Variants in PEX1 observed in about 807,000 individuals in gnomAD.
PEX1 encodes the protein peroxisomal ATPase PEX1.
PEX1 carries 97 observed loss-of-function variants against 152.5 expected under a neutral mutation model. That is an observed-to-expected ratio of 0.64 (90% CI 0.54 to 0.75). PEX1 has a LOEUF of 0.75. Ranked by LOEUF, PEX1 falls within the 30% of genes least tolerant of loss-of-function variation. The probability of loss-of-function intolerance (pLI) is 0.00; values close to 1 mark genes in which losing one functional copy is unlikely to be tolerated. For missense variants in PEX1, 1,357 were observed against 1,516.3 expected (o/e 0.89, Z 1.74); for synonymous variants, 485 against 531.6 (o/e 0.91, Z 1.21).
rs1459743428 is a variant in PEX1 at position 92,489,900 on chromosome 7, A to G, written c.3450T>C (p.Cys1150=). 6.2e-7 allele frequency: 1 copy of G among 1,613,452 alleles called. No homozygotes were observed. Among genetic ancestry groups the G allele is most frequent in the East Asian group, 2.2e-5 (1 of 44,882 alleles). The part of the protein sequence containing the change: ...NGTSSDLSSQ[C]LSAPSSMTQD... ...GAGTCATGGAGCTTGGTGCAGAGAG[A>G]CATTGTGAGCTCTGCATGGTAAATT... The change falls in exon 22 of 24, where the codon TGT becomes TGC. Residue 1150 remains cysteine, a synonymous_variant. Coordinates refer to ENST00000248633, the MANE Select transcript of PEX1 (RefSeq NM_000466.3).
chr7:92,504,873 G>A lies in PEX1; in HGVS notation c.1930C>T (p.Leu644=), dbSNP rs1168758164. 6.2e-7 allele frequency: 1 copy of A among 1,613,846 alleles called. No homozygotes were observed. Among genetic ancestry groups the A allele is most frequent in the East Asian group, 2.2e-5 (1 of 44,884 alleles). ...GKRLENIQKT[L]EVAFSEAVWM... is the part of the protein sequence containing the mutation. ...ACTGCCTCTGAGAAAGCCACCTCTA[G>A]GGTTTTTTGTATGTTTTCAAGCCTT... The change falls in exon 12 of 24, where the codon CTA becomes TTA. Residue 644 remains leucine (L), a synonymous_variant. Coordinates refer to ENST00000248633, the MANE Select transcript of PEX1 (RefSeq NM_000466.3).
At position 92,487,296 on chromosome 7, in the gene PEX1, C is replaced by T. The variant is rs1790972286; in HGVS notation, c.*161G>A. The T allele has an allele frequency of 1.9e-6, 1 of 525,884 alleles. No individual in the cohort carries two copies. Among genetic ancestry groups the T allele is most frequent in the African/African-American group, 1.9e-5 (1 of 52,290 alleles). The allele number at this position is 525,884 out of a possible 1,614,324, so 32.6% of individuals were successfully genotyped here. A position where few individuals can be genotyped will look rare whatever the true frequency, so the allele number is the denominator to read the frequency against. On this transcript the variant is annotated 3_prime_UTR_variant, in exon 24 of 24. Coordinates refer to ENST00000248633, the MANE Select transcript of PEX1 (RefSeq NM_000466.3). The stretch of plus-strand genomic sequence containing the variant: ...TTATACTACAGTATTAATCTCAATC[C>T]TGATCATTACATAATTATAGCATTT...
At chr7:92,516,056 A>G (rs71550597) in intron 5 of PEX1, among the ~76,000 whole-genome samples, 1,944 of 39,026 alleles carry the variant, frequency 0.05, 20 homozygotes, top group East Asian at 0.19. Flanking sequence ...GAGAAGAGAA[A>G]AAAGAAAAGA....
At chr7:92,506,751 G>GT in intron 10 of PEX1, 1 of 551,312 alleles carries the variant, frequency 1.8e-6, no homozygotes, top group Non-Finnish European at 3.2e-6. Context: ...CCATATAATT[G>GT]TATCAACTGA....
At chr7:92,504,638 A>T in intron 12 of PEX1, 94 bp downstream of exon 12, 1 of 1,241,214 alleles carries the variant, frequency 8.1e-7, no homozygotes, top group Non-Finnish European at 1.2e-6. Flanking sequence ...CATAACACAT[A>T]TATTATTCTC....
chr7:92,497,382 T>G (rs778964652), intron 16 of PEX1, among the ~76,000 whole-genome samples: 10 of 151,896 alleles, frequency 6.6e-5, no homozygotes, highest in Non-Finnish European at 1.5e-4. Context: ...ATCAGCATCT[T>G]CAATTACTGA....
intron 11 of PEX1, 27 bp from the exon 12 acceptor site, chr7:92,504,929 TC>T (rs780110368): frequency 1.9e-6 from 3 of 1,556,934 alleles, no homozygotes; most frequent in Non-Finnish European, 2.7e-6. Flanking sequence ...TGAAATGGTT[TC>T]AGTATCATTT....
intron 2 of PEX1, among the ~76,000 whole-genome samples, chr7:92,519,828 C>A (rs905742436): frequency 6.6e-6 from 1 of 152,114 alleles, no homozygotes; most frequent in Non-Finnish European, 1.5e-5. Context: ...CATCTTACTT[C>A]CTTTCCCCTT....
intron 16 of PEX1, 71 bp downstream of exon 16, chr7:92,499,633 A>C: frequency 7.6e-7 from 1 of 1,315,758 alleles, no homozygotes; most frequent in Non-Finnish European, 1.1e-6. Flanking sequence ...GTGAATTTAC[A>C]CTTTGAAATG....
chr7:92,511,733 T>A, intron 6 of PEX1, 30 bp from the exon 7 acceptor site: 1 of 1,598,954 alleles, frequency 6.3e-7, no homozygotes, highest in East Asian at 2.2e-5. Flanking sequence ...TAATGAATTA[T>A]CCTCATATCT....
chr7:92,499,777 G>A lies in PEX1; in HGVS notation c.2645C>T (p.Pro882Leu), dbSNP rs141764012. The A allele has an allele frequency of 1.2e-4, 199 of 1,612,090 alleles. 2 individuals carry two copies. The African/African-American group carries it at 2.1e-3, about 17-fold the overall frequency. The stretch of plus-strand genomic sequence containing the variant: ...TAGTAAGGTTTTTCCTGTTCCAGGC[G>A]GACCATACAACAGTATTCCTGTTCT... ...RQRTGILLYG[P>L]PGTGKTLLAG... Residue 882 changes from proline to leucine, a missense_variant, in exon 16 of 24, where the codon CCG (proline) becomes CTG (leucine). By Grantham distance (98) the Pro-to-Leu change is moderately conservative (BLOSUM62 -3). Transcript: ENST00000248633.
chr7:92,528,206 CGG>C, intron 1 of PEX1, 99 bp downstream of exon 1: 10 of 1,491,724 alleles, frequency 6.7e-6, no homozygotes, highest in Non-Finnish European at 9.0e-6. Flanking sequence ...CGCGCTTCGG[CGG>C]CGCCCGGGTG....
At chr7:92,496,913 T>TG (rs1791680028) in intron 16 of PEX1, 136 bp from the exon 17 acceptor site, 1 of 679,442 alleles carries the variant, frequency 1.5e-6, no homozygotes, top group Non-Finnish European at 2.7e-6. Context: ...TTAAAATTAA[T>TG]GTGTGCTAGA....
At chr7:92,527,331 C>A (rs913116050) in intron 1 of PEX1, among the ~76,000 whole-genome samples, 1 of 152,126 alleles carries the variant, frequency 6.6e-6, no homozygotes, top group Admixed American at 6.5e-5. Flanking sequence ...CAACTTCTAC[C>A]TGGAACTTGG....
At chr7:92,528,284 G>A in intron 1 of PEX1, 23 bp downstream of exon 1, 1 of 1,549,568 alleles carries the variant, frequency 6.5e-7, no homozygotes, top group Non-Finnish European at 8.7e-7. Flanking sequence ...TGAAGATCAG[G>A]TGGCTCGGGG....
chr7:92,513,243 A>G (rs1208252005), intron 6 of PEX1, among the ~76,000 whole-genome samples: 2 of 152,228 alleles, frequency 1.3e-5, no homozygotes, highest in Non-Finnish European at 1.5e-5. Context: ...ACTCAAACAG[A>G]TACTTGTACA....
At chr7:92,517,131 C>T (rs181881915) in intron 5 of PEX1, 145 bp downstream of exon 5, 27 of 689,724 alleles carry the variant, frequency 3.9e-5, no homozygotes, top group East Asian at 5.4e-5. Context: ...TACTGCAAAG[C>T]GTAAATGTGT....
At chr7:92,494,892 G>T (rs910388462) in intron 17 of PEX1, among the ~76,000 whole-genome samples, 1 of 151,676 alleles carries the variant, frequency 6.6e-6, no homozygotes, top group African/African-American at 2.4e-5. Flanking sequence ...AATTACCCTT[G>T]TATTCAGTAA....
At chr7:92,493,507 C>A in intron 19 of PEX1, 1 of 159,294 alleles carries the variant, frequency 6.3e-6, no homozygotes, top group Non-Finnish European at 1.4e-5. Context: ...GGCATGGTAG[C>A]GTGTGCCTGT....
Sources: gnomAD v4.1 joint callset for allele counts (sites outside exome capture counted in the v4.1 genomes callset) on GRCh38, gnomAD v4.1.1 for gene constraint, MANE v1.5 for transcripts, NCBI Gene and HGNC (gene_info 2026-07-23, HGNC 2026-07-21) for gene names.